NF1: variants seen among roughly 807,000 people sequenced by gnomAD.
NF1 encodes the protein neurofibromin.
Under a neutral mutation model 325.7 loss-of-function variants are expected in NF1, and 122 were observed. The observed-to-expected ratio is 0.37, with a 90% confidence interval of 0.32 to 0.44. The LOEUF (loss-of-function observed/expected upper bound fraction) is 0.44, where lower values mean the gene tolerates loss of function less well. Ranked by LOEUF, NF1 falls within the 20% of genes least tolerant of loss-of-function variation. The probability of loss-of-function intolerance (pLI) is 1.00; values close to 1 mark genes in which losing one functional copy is unlikely to be tolerated. For missense variants in NF1, 2,140 were observed against 3,415.4 expected (o/e 0.63, Z 9.31); for synonymous variants, 1,091 against 1,186.0 (o/e 0.92, Z 1.65).
At chr17:31,103,857 G>C (rs1912598234) in intron 1 of NF1, among the ~76,000 whole-genome samples, 1 of 151,962 alleles carries the variant, frequency 6.6e-6, no homozygotes, top group East Asian at 1.9e-4. Context: ...TGCATTGGTT[G>C]AAAGTAAAGA....
intron 1 of NF1, among the ~76,000 whole-genome samples, chr17:31,120,406 T>G (rs908909886): frequency 1.3e-5 from 2 of 152,210 alleles, no homozygotes; most frequent in African/African-American, 2.4e-5. Context: ...TTTGGCTGTT[T>G]GTCTGTTATT....
chr17:31,358,643 A>G, intron 55 of NF1, 21 bp downstream of exon 55: 1 of 1,611,982 alleles, frequency 6.2e-7, no homozygotes, highest in African/African-American at 1.4e-5. Context: ...GTATCTGGAG[A>G]AGGATGGTTG....
chr17:31,218,935 T>G, intron 13 of NF1, 70 bp from the exon 14 acceptor site: 5 of 1,450,806 alleles, frequency 3.4e-6, no homozygotes, highest in East Asian at 2.5e-5. Flanking sequence ...TCACTGTCTA[T>G]TTCTTCCTCC....
At chr17:31,253,096 C>T in intron 31 of NF1, 96 bp downstream of exon 31, 2 of 933,962 alleles carry the variant, frequency 2.1e-6, no homozygotes, top group Non-Finnish European at 3.4e-6. Context: ...GCCTATTTGA[C>T]CTTCACTGTA....
chr17:31,305,105 G>A, intron 36 of NF1: 1 of 1,614,180 alleles, frequency 6.2e-7, no homozygotes, highest in Non-Finnish European at 8.5e-7. Context: ...GATGTTGGTT[G>A]TGTGGATGGA....
chr17:31,265,182 A>G (rs2067763635), intron 35 of NF1, 47 bp from the exon 36 acceptor site: 2 of 1,259,564 alleles, frequency 1.6e-6, no homozygotes, highest in Non-Finnish European at 2.3e-6. Flanking sequence ...TTACATACTC[A>G]GTAGACAACA....
intron 12 of NF1, 119 bp downstream of exon 12, chr17:31,206,490 C>T (rs999294993): frequency 8.4e-7 from 1 of 1,188,952 alleles, no homozygotes; most frequent in Non-Finnish European, 1.2e-6. Flanking sequence ...TTCATTTCCT[C>T]TAAATGTTGT....
At chr17:31,264,763 C>G (rs1009591508) in intron 35 of NF1, among the ~76,000 whole-genome samples, 1 of 152,036 alleles carries the variant, frequency 6.6e-6, no homozygotes, top group African/African-American at 2.4e-5. Flanking sequence ...TATTCAGAAT[C>G]GAGATTAGGA....
intron 19 of NF1, 83 bp downstream of exon 19, chr17:31,227,374 A>G (rs2067034395): frequency 6.7e-7 from 1 of 1,503,704 alleles, no homozygotes; most frequent in Non-Finnish European, 9.3e-7. Context: ...GTGATCAGGA[A>G]TAGCTTTTGA....
intron 12 of NF1, among the ~76,000 whole-genome samples, chr17:31,210,295 C>T (rs191596704): frequency 1.7e-4 from 26 of 152,232 alleles, no homozygotes; most frequent in African/African-American, 4.6e-4. Context: ...TCAAAATCCT[C>T]GTACAGGCCG....
At chr17:31,275,247 T>C (rs1329710460) in intron 36 of NF1, among the ~76,000 whole-genome samples, 2 of 152,176 alleles carry the variant, frequency 1.3e-5, no homozygotes, top group South Asian at 2.1e-4. Flanking sequence ...TGGTCCACCA[T>C]GGTCTGAAAA....
chr17:31,236,060 T>G (rs776540620), intron 29 of NF1, 39 bp downstream of exon 29: 195 of 1,476,396 alleles, frequency 1.3e-4, no homozygotes, highest in Middle Eastern at 1.7e-4. Flanking sequence ...GTTTTTTGTT[T>G]TTTTTTTTTT....
intron 11 of NF1, 24 bp from the exon 12 acceptor site, chr17:31,206,216 C>T (rs920723348): frequency 6.2e-7 from 1 of 1,612,954 alleles, no homozygotes; most frequent in Non-Finnish European, 8.5e-7. Flanking sequence ...CTTTTTCTTC[C>T]TATTGGTCTT....
At chr17:31,138,997 AG>A (rs1916006426) in intron 1 of NF1, among the ~76,000 whole-genome samples, 1 of 152,018 alleles carries the variant, frequency 6.6e-6, no homozygotes, top group African/African-American at 2.4e-5. Flanking sequence ...CATGTTAATA[AG>A]GTTTCCTTAT....
intron 5 of NF1, among the ~76,000 whole-genome samples, chr17:31,176,036 C>A (rs1455077237): frequency 6.6e-6 from 1 of 152,024 alleles, no homozygotes; most frequent in Non-Finnish European, 1.5e-5. Flanking sequence ...GGGTATATAC[C>A]CAGTAATGGG....
chr17:31,330,217 A>G, intron 38 of NF1, 79 bp from the exon 39 acceptor site: 1 of 1,164,424 alleles, frequency 8.6e-7, no homozygotes, highest in Non-Finnish European at 1.3e-6. Context: ...ACAGAATCAC[A>G]AATTGTATGT....
chr17:31,209,583 G>C (rs1035322364), intron 12 of NF1, among the ~76,000 whole-genome samples: 1 of 152,068 alleles, frequency 6.6e-6, no homozygotes, highest in Non-Finnish European at 1.5e-5. Context: ...CCTAGAATTC[G>C]TTTTATTTTT....
At chr17:31,343,508 G>C (rs537335858) in intron 48 of NF1, among the ~76,000 whole-genome samples, 1 of 152,266 alleles carries the variant, frequency 6.6e-6, no homozygotes, top group East Asian at 1.9e-4. Flanking sequence ...TCACACCACT[G>C]CACTCAGCCC....
intron 36 of NF1, 22 bp downstream of exon 36, chr17:31,265,361 G>T: frequency 1.9e-6 from 3 of 1,556,244 alleles, no homozygotes; most frequent in South Asian, 1.1e-5. Context: ...TATGTTTTGG[G>T]TCTCTTAACA....
Sources: allele counts gnomAD v4.1 joint callset (sites outside exome capture counted in the v4.1 genomes callset), GRCh38; gene constraint gnomAD v4.1.1; transcripts MANE v1.5; gene names NCBI Gene and HGNC (gene_info 2026-07-23, HGNC 2026-07-21).